The following MUC17 variants were observed in gnomAD, a reference collection of about 807,000 sequenced individuals.
MUC17 encodes the protein mucin 17, cell surface associated, also known as mucin-17.
In MUC17, 190 loss-of-function variants were observed where a neutral mutation model predicts 170.3. The observed-to-expected ratio is 1.12, with a 90% CI of 0.99 to 1.26. MUC17 has a LOEUF of 1.26. MUC17 is among the 50% of genes most tolerant of loss of function. The pLI is 0.00. For missense variants in MUC17, 6,415 were observed against 5,530.0 expected (o/e 1.16, Z -5.08); for synonymous variants, 2,325 against 2,002.5 (o/e 1.16, Z -4.30).
In MUC17 at chr7:101,048,118, G is replaced by A; in HGVS notation, c.12535+3G>A. 6.3e-7 allele frequency: 1 copy of A among 1,587,032 alleles called. No homozygotes were observed. Among genetic ancestry groups the A allele is most frequent in the Non-Finnish European group, 8.6e-7 (1 of 1,167,602 alleles). ...GGTGGTCAGCAGCATTGACATAGGT[G>A]AGTGCAACCCCAGGCCTTCCCCCAC... On this transcript the variant is annotated splice_donor_region_variant and intron_variant, in intron 4 of 12. Transcript: ENST00000306151.
Position 101,036,869 on chromosome 7 carries a change from C to G in MUC17, c.5453C>G (p.Thr1818Arg), listed in dbSNP as rs766059530. The G allele has an allele frequency of 1.2e-6, 2 of 1,608,228 alleles. No individual in the cohort carries two copies. The highest frequency in any genetic ancestry group is 2.3e-5 in the East Asian group (1 of 44,330). ...TPLTSTPVSH[T>R]LVANSEASTL... ...TTAACAAGCACACCTGTCAGCCACA[C>G]GCTGGTGGCCAATTCTGAGGCTAGC... The change falls in exon 3 of 13, where the codon ACG becomes AGG. Residue 1818 changes from threonine to arginine, a missense_variant. Transcript: ENST00000306151.
rs375598176 is a variant in MUC17, at chr7:101,033,776, C to G, written c.2360C>G (p.Ser787Cys). The stretch of plus-strand genomic sequence containing the variant: ...ACCACTTCTACTGAAGCCAGTTGCT[C>G]TCCTACAACCACTGAAGGTACCAGC... ...HITTSTEASC[S>C]PTTTEGTSMP... The change falls in exon 3 of 13, where the codon TCT (serine) becomes TGT (cysteine). Residue 787 changes from serine (S) to cysteine (C), a missense_variant. By Grantham distance (112) the Ser-to-Cys change is moderately radical. Transcript: ENST00000306151. 1 of 1,613,986 alleles carries G rather than the reference C, an allele frequency of 6.2e-7. No individual in the cohort carries two copies. Among genetic ancestry groups the G allele is most frequent in the African/African-American group, 1.3e-5 (1 of 74,880 alleles).
Position 101,041,167 on chromosome 7 carries a change from A to G in MUC17, c.9751A>G (p.Thr3251Ala). Residue 3251 changes from threonine to alanine, a missense_variant, in exon 3 of 13, where the codon ACT becomes GCT. Transcript: ENST00000306151. ...ILSTTPVDSNTPLTTSTEASS... is the reference protein window; with the variant it reads ...ILSTTPVDSNAPLTTSTEASS... ...TTCAACAACTCCTGTTGACTCCAACACTCCTTTGACCACTTCTACTGAAGC... is the reference window on the plus strand; with the variant it reads ...TTCAACAACTCCTGTTGACTCCAACGCTCCTTTGACCACTTCTACTGAAGC... 1 of 1,611,724 alleles carries G rather than the reference A, an allele frequency of 6.2e-7. No individual in the cohort carries two copies. The highest frequency in any genetic ancestry group is 8.5e-7 in the Non-Finnish European group (1 of 1,179,498).
Position 101,043,712 on chromosome 7 carries a change from G to A in MUC17, c.12296G>A (p.Ser4099Asn). The A allele has an allele frequency of 6.2e-7, 1 of 1,614,018 alleles. No individual in the cohort carries two copies. The highest frequency in any genetic ancestry group is 8.5e-7 in the Non-Finnish European group (1 of 1,180,014). ...VTTMTTRTKP[S>N]TRTTSFPTVT... The stretch of plus-strand genomic sequence containing the variant: ...ACCATGACCACCAGGACAAAACCCA[G>A]CACACGGACCACTTCCTTCCCCACG... Residue 4099 changes from serine (S) to asparagine (N), a missense_variant, in exon 3 of 13, where the codon AGC becomes AAC. Coordinates refer to ENST00000306151, the MANE Select transcript of MUC17 (RefSeq NM_001040105.2).
Position 101,037,202 on chromosome 7 carries a change from CAAG to C in MUC17, c.5787_5789del (p.Ser1930del). 1 of 1,613,482 alleles carries C rather than the reference CAAG, an allele frequency of 6.2e-7. No individual in the cohort carries two copies. Among genetic ancestry groups the C allele is most frequent in the Non-Finnish European group, 8.5e-7 (1 of 1,179,660 alleles). On this transcript the variant is annotated inframe_deletion, in exon 3 of 13. Coordinates refer to ENST00000306151, the MANE Select transcript of MUC17 (RefSeq NM_001040105.2). ...CCTAGGGAAGGAAGGCCTCCATTAA[CAAG>C]TATACCTGTCAGCACCACAACAGTG...
At chr7:101,050,759 C>T in intron 7 of MUC17, 124 bp downstream of exon 7, 1 of 1,367,764 alleles carries the variant, frequency 7.3e-7, no homozygotes, top group East Asian at 2.5e-5. Context: ...ACTGTGGGGT[C>T]CTAGAGTCCC....
chr7:101,043,977 C>G (rs6970159), intron 3 of MUC17, among the ~76,000 whole-genome samples, 158 bp downstream of exon 3: 4 of 152,176 alleles, frequency 2.6e-5, no homozygotes, highest in Non-Finnish European at 5.9e-5. Flanking sequence ...TCTCGTAATG[C>G]TATCCCTCCC....
At position 101,039,532 on chromosome 7, in the gene MUC17, A is replaced by T. The variant is rs371152125; in HGVS notation, c.8116A>T (p.Asn2706Tyr). ...ACTTGTCAGCACCACGCTGTTGGCC[A>T]ATTCTGAGGCTAGCACCCTTTCAAC... is the stretch of plus-strand genomic sequence containing the variant. ...NILVSTTLLA[N>Y]SEASTLSTTP... is the part of the protein sequence containing the mutation. Residue 2706 changes from asparagine (N) to tyrosine (Y), a missense_variant, in exon 3 of 13, where the codon AAT becomes TAT. By Grantham distance (143) the Asn-to-Tyr change is moderately radical (BLOSUM62 -2). Coordinates refer to ENST00000306151, the MANE Select transcript of MUC17 (RefSeq NM_001040105.2). The T allele has an allele frequency of 1.8e-5, 29 of 1,611,598 alleles. No individual in the cohort carries two copies. The highest frequency in any genetic ancestry group is 4.5e-5 in the East Asian group (2 of 44,830).
rs1298594126 is a variant in MUC17, at chr7:101,033,488, C to A, written c.2072C>A (p.Thr691Lys). ...TATACTGAAGGAAGCACTCCATTAA[C>A]AAGTATGCCTGTCAACACCACACTG... is the stretch of plus-strand genomic sequence containing the variant. ...STYTEGSTPL[T>K]SMPVNTTLVA... is the part of the protein sequence containing the mutation. Residue 691 changes from threonine (T) to lysine (K), a missense_variant, in exon 3 of 13, where the codon ACA becomes AAA. Transcript: ENST00000306151. 1 of 1,613,880 alleles carries A rather than the reference C, an allele frequency of 6.2e-7. No homozygotes were observed. Among genetic ancestry groups the A allele is most frequent in the Non-Finnish European group, 8.5e-7 (1 of 1,179,914 alleles).
rs1195213464 is a variant in MUC17 at position 101,038,514 on chromosome 7, C to G, written c.7098C>G (p.Ser2366Arg). The G allele has an allele frequency of 2.5e-6, 4 of 1,605,092 alleles. No individual in the cohort carries two copies. The highest frequency in any genetic ancestry group is 3.4e-6 in the Non-Finnish European group (4 of 1,174,560). Residue 2366 changes from serine (S) to arginine (R), a missense_variant, in exon 3 of 13, where the codon AGC becomes AGG. Coordinates refer to ENST00000306151, the MANE Select transcript of MUC17 (RefSeq NM_001040105.2). ...STLSTTPADT[S>R]TPVTTYSQAG... ...TTTCTACAACTCCTGCTGACACCAGCACACCTGTGACTACTTATTCTCAAG... is the reference window on the plus strand; with the variant it reads ...TTTCTACAACTCCTGCTGACACCAGGACACCTGTGACTACTTATTCTCAAG...
chr7:101,050,539 G>C lies in MUC17; in HGVS notation c.12778G>C (p.Glu4260Gln). 1 of 1,614,142 alleles carries C rather than the reference G, an allele frequency of 6.2e-7. No homozygotes were observed. Among genetic ancestry groups the C allele is most frequent in the Non-Finnish European group, 8.5e-7 (1 of 1,180,004 alleles). ...DVLLRTKYTPEYKTVLDNATE... is the reference protein window; with the variant it reads ...DVLLRTKYTPQYKTVLDNATE... ...CCTCCTAAGAACCAAGTACACACCA[G>C]AATACAAGACAGTATTGGACAATGC... Residue 4260 changes from glutamate (E) to glutamine (Q), a missense_variant, in exon 7 of 13, where the codon GAA becomes CAA. Physicochemically the swap from Glu to Gln is conservative, Grantham distance 29. Coordinates refer to ENST00000306151, the MANE Select transcript of MUC17 (RefSeq NM_001040105.2).
chr7:101,056,139 G>A lies in MUC17; in HGVS notation c.13364-55G>A, dbSNP rs935230800. On this transcript the variant is annotated intron_variant, in intron 11 of 12. Transcript: ENST00000306151. ...ATCAGATGGGATTAAAGGGAGAGAT[G>A]AAAGTTTGTCCTTCTAACCTCCTGT... The A allele has an allele frequency of 1.9e-6, 3 of 1,610,794 alleles. No homozygotes were observed. The African/African-American group carries it at 4.0e-5, about 22-fold the overall frequency.
Position 101,051,320 on chromosome 7 carries a change from G to A in MUC17, c.12875-293G>A, listed in dbSNP as rs562882759. Among the ~76,000 whole-genome samples, 180 of 126,530 alleles carry A rather than the reference G, an allele frequency of 1.4e-3. 6 individuals carry two copies. In the South Asian group the frequency reaches 0.043, roughly 30 times the overall value. 83.0% of individuals were successfully genotyped at this position (126,530 alleles called of 152,430 possible). A position where few individuals can be genotyped will look rare whatever the true frequency, so the allele number is the denominator to read the frequency against. ...GCAGAGGTTGCAGTGAGCCGAGATT[G>A]CACCACTGTACTCTAGCCTGGGTGA... On this transcript the variant is annotated intron_variant, in intron 7 of 12. Transcript: ENST00000306151.
In MUC17 at chr7:101,035,603, C is replaced by G; in HGVS notation, c.4187C>G (p.Thr1396Ser). The G allele has an allele frequency of 6.2e-7, 1 of 1,613,614 alleles. No individual in the cohort carries two copies. The highest frequency in any genetic ancestry group is 8.5e-7 in the Non-Finnish European group (1 of 1,179,856). Residue 1396 changes from threonine to serine, a missense_variant, in exon 3 of 13, where the codon ACT (threonine) becomes AGT (serine). Physicochemically the swap from Thr to Ser is moderately conservative, Grantham distance 58. Transcript: ENST00000306151. ...MPNSNPSEGTTPLTSIPVSTT... is the reference protein window; with the variant it reads ...MPNSNPSEGTSPLTSIPVSTT... ...AACTCAAATCCTAGTGAAGGAACCA[C>G]TCCGTTAACAAGTATACCTGTCAGC...
In MUC17 at chr7:101,043,214, G is replaced by A. The variant is rs368443251; in HGVS notation, c.11798G>A (p.Ser3933Asn). 15 of 1,614,048 alleles carry A rather than the reference G, an allele frequency of 9.3e-6. No homozygotes were observed. Among genetic ancestry groups the A allele is most frequent in the Non-Finnish European group, 1.3e-5 (15 of 1,180,052 alleles). ...TCTGTATCAGTGATCACAGAAGGAA[G>A]CACACCTGGGACAACCATTTTTATT... Reference protein sequence around the residue: ...TISVSVITEGSTPGTTIFIPS... With the variant: ...TISVSVITEGNTPGTTIFIPS... The change falls in exon 3 of 13, where the codon AGC becomes AAC. Residue 3933 changes from serine to asparagine, a missense_variant. Ser to Asn is a conservative substitution (Grantham distance 46). Coordinates refer to ENST00000306151, the MANE Select transcript of MUC17 (RefSeq NM_001040105.2).
At chr7:101,054,933 C>T (rs1026473674) in intron 11 of MUC17, among the ~76,000 whole-genome samples, 29 of 152,146 alleles carry the variant, frequency 1.9e-4, no homozygotes, top group African/African-American at 6.8e-4. Context: ...CACGGTGAAA[C>T]CCCGTCTCTA....
intron 1 of MUC17, among the ~76,000 whole-genome samples, chr7:101,020,994 G>A (rs1794066720): frequency 6.6e-6 from 1 of 152,048 alleles, no homozygotes; most frequent in Admixed American, 6.6e-5. Flanking sequence ...TAGACCTCAG[G>A]GTCCCTGCCC....
intron 1 of MUC17, among the ~76,000 whole-genome samples, chr7:101,024,516 TC>T (rs1346124497): frequency 2.0e-5 from 3 of 152,098 alleles, no homozygotes; most frequent in African/African-American, 7.2e-5. Context: ...TTCTCTTCCA[TC>T]CCCATCCTCC....
At chr7:101,028,867 G>A (rs530247136) in intron 1 of MUC17, among the ~76,000 whole-genome samples, 80 of 144,774 alleles carry the variant, frequency 5.5e-4, no homozygotes, top group African/African-American at 1.9e-3. Context: ...CAGCCTGGGC[G>A]ATACAGAGAG....
Sources: gnomAD v4.1 joint callset for allele counts (sites outside exome capture counted in the v4.1 genomes callset) on GRCh38, gnomAD v4.1.1 for gene constraint, MANE v1.5 for transcripts, NCBI Gene and HGNC (gene_info 2026-07-23, HGNC 2026-07-21) for gene names.